Variants in MNAT1 observed in about 807,000 individuals in gnomAD.
MNAT1 encodes the protein CDK-activating kinase assembly factor MAT1.
In MNAT1, 43 loss-of-function variants were observed where a neutral mutation model predicts 42.0. The observed-to-expected ratio is 1.02, with a 90% confidence interval of 0.80 to 1.32. MNAT1 has a LOEUF of 1.32. MNAT1 is among the 40% of genes most tolerant of loss of function. MNAT1 has a pLI of 0.00. For synonymous variants in MNAT1, 118 were observed against 120.0 expected (o/e 0.98, Z 0.11); for missense variants, 306 against 350.4 (o/e 0.87, Z 1.01).
At chr14:60,806,354 G>T (rs942295412) in intron 3 of MNAT1, among the ~76,000 whole-genome samples, 1 of 152,176 alleles carries the variant, frequency 6.6e-6, no homozygotes, top group Admixed American at 6.5e-5. Flanking sequence ...CTGGGTTGAG[G>T]TTGGTACTGA....
At chr14:60,771,753 CA>C (rs2031066403) in intron 1 of MNAT1, among the ~76,000 whole-genome samples, 1 of 152,130 alleles carries the variant, frequency 6.6e-6, no homozygotes, top group Admixed American at 6.5e-5. Flanking sequence ...TTTATCTGTC[CA>C]TGTTAGTATA....
At chr14:60,874,880 G>A (rs1196221284) in intron 6 of MNAT1, among the ~76,000 whole-genome samples, 1 of 152,094 alleles carries the variant, frequency 6.6e-6, no homozygotes, top group Non-Finnish European at 1.5e-5. Flanking sequence ...GCCATTATCT[G>A]CTCTGTTGGT....
chr14:60,961,507 A>C (rs1298578358), intron 7 of MNAT1, among the ~76,000 whole-genome samples: 1 of 151,760 alleles, frequency 6.6e-6, no homozygotes, highest in Non-Finnish European at 1.5e-5. Flanking sequence ...AGCTAATTTT[A>C]TCTCTTTGGA....
intron 7 of MNAT1, among the ~76,000 whole-genome samples, chr14:60,883,091 C>A (rs2034587239): frequency 6.6e-6 from 1 of 152,024 alleles, no homozygotes; most frequent in African/African-American, 2.4e-5. Context: ...TGATGTGGTC[C>A]TACTTACCTA....
intron 6 of MNAT1, among the ~76,000 whole-genome samples, chr14:60,863,728 A>G (rs1210087102): frequency 2.6e-5 from 4 of 152,096 alleles, no homozygotes; most frequent in East Asian, 3.8e-4. Flanking sequence ...TCACACACCT[A>G]TGTTCTCAGA....
chr14:60,914,317 A>ACTGCACCCACTGTC (rs574851426), intron 7 of MNAT1, among the ~76,000 whole-genome samples: 4 of 151,258 alleles, frequency 2.6e-5, no homozygotes, highest in African/African-American at 4.9e-5. Context: ...AGCACGGTGT[A>ACTGCACCCACTGTC]CTGCACCCAC....
At chr14:60,932,349 C>A (rs2035907615) in intron 7 of MNAT1, among the ~76,000 whole-genome samples, 1 of 151,978 alleles carries the variant, frequency 6.6e-6, no homozygotes, top group African/African-American at 2.4e-5. Flanking sequence ...ATTGTTGGTT[C>A]ATCATAAAAT....
chr14:60,817,025 T>G (rs752830283), intron 5 of MNAT1, among the ~76,000 whole-genome samples: 7 of 152,002 alleles, frequency 4.6e-5, no homozygotes, highest in Non-Finnish European at 8.8e-5. Context: ...TGCTTTTATG[T>G]AAGAATTTTT....
chr14:60,788,203 A>G (rs1301538299), intron 1 of MNAT1, among the ~76,000 whole-genome samples: 2 of 152,150 alleles, frequency 1.3e-5, no homozygotes, highest in African/African-American at 2.4e-5. Flanking sequence ...GTCCTTGCAC[A>G]TATCCATCAG....
At chr14:60,856,012 A>G (rs1485257486) in intron 6 of MNAT1, among the ~76,000 whole-genome samples, 1 of 152,166 alleles carries the variant, frequency 6.6e-6, no homozygotes, top group East Asian at 1.9e-4. Flanking sequence ...ACAACCCTAC[A>G]GTGTCCTCTA....
intron 7 of MNAT1, among the ~76,000 whole-genome samples, chr14:60,937,922 G>C (rs1294643127): frequency 2.6e-5 from 4 of 152,088 alleles, no homozygotes; most frequent in Non-Finnish European, 5.9e-5. Flanking sequence ...GTGGTTTGTA[G>C]TTCTCCTTGA....
intron 7 of MNAT1, among the ~76,000 whole-genome samples, chr14:60,943,193 T>C (rs994511436): frequency 1.3e-5 from 2 of 152,050 alleles, no homozygotes; most frequent in Non-Finnish European, 2.9e-5. Flanking sequence ...GTTCCTCTGA[T>C]GCATACTGAA....
chr14:60,869,040 A>ATATATATATATTTTT (rs1465360826), intron 6 of MNAT1, among the ~76,000 whole-genome samples: 8 of 113,054 alleles, frequency 7.1e-5, no homozygotes, highest in East Asian at 2.3e-4. Flanking sequence ...ATATATATAT[A>ATATATATATATTTTT]TTTTTTTTTT....
chr14:60,889,948 A>G, intron 7 of MNAT1, among the ~76,000 whole-genome samples: 1 of 152,218 alleles, frequency 6.6e-6, no homozygotes, highest in Non-Finnish European at 1.5e-5. Context: ...AAGTCAGGAA[A>G]CAACAGGTGC....
At chr14:60,737,759 G>C (rs1306248014) in intron 1 of MNAT1, among the ~76,000 whole-genome samples, 2 of 152,046 alleles carry the variant, frequency 1.3e-5, no homozygotes, top group African/African-American at 4.8e-5. Flanking sequence ...TGTCAAGACA[G>C]GCATGGTTGT....
In MNAT1 at chr14:60,743,295, C is replaced by CTT. The variant is rs368699682; in HGVS notation, c.89+8354_89+8355dup. On this transcript the variant is annotated intron_variant, in intron 1 of 7. Transcript: ENST00000261245. Reference sequence around the variant, plus strand: ...GCCTAAAGAACATTCTTTAGCATTTCTTTTTTTTTTTGAGACGGAGTCTTG... The same window carrying CTT: ...GCCTAAAGAACATTCTTTAGCATTTCTTTTTTTTTTTTTGAGACGGAGTCTTG... Among the ~76,000 whole-genome samples, 346 of 148,184 alleles carry CTT rather than the reference C, an allele frequency of 2.3e-3. 6 individuals are homozygous for CTT. The East Asian group carries it at 0.051, about 22-fold the overall frequency.
intron 1 of MNAT1, among the ~76,000 whole-genome samples, chr14:60,752,088 C>G (rs2030118177): frequency 1.3e-5 from 2 of 152,080 alleles, no homozygotes. Flanking sequence ...CTGGTGTTAA[C>G]TGACATGTTT....
At chr14:60,856,683 CTT>C (rs112853589) in intron 6 of MNAT1, among the ~76,000 whole-genome samples, 13 of 135,198 alleles carry the variant, frequency 9.6e-5, no homozygotes, top group Non-Finnish European at 4.8e-5. Context: ...TGCTCATTCG[CTT>C]TTTTTTTTTT....
chr14:60,805,764 A>AT (rs1292902546), intron 3 of MNAT1, among the ~76,000 whole-genome samples: 2 of 152,126 alleles, frequency 1.3e-5, no homozygotes, highest in Non-Finnish European at 2.9e-5. Context: ...ATAATATTAC[A>AT]TTTTTTTAAA....
Sources: allele counts gnomAD v4.1 joint callset (sites outside exome capture counted in the v4.1 genomes callset), GRCh38; gene constraint gnomAD v4.1.1; transcripts MANE v1.5; gene names NCBI Gene and HGNC (gene_info 2026-07-23, HGNC 2026-07-21).